SCN8A: variants seen among roughly 807,000 people sequenced by gnomAD.
The protein encoded by SCN8A is sodium voltage-gated channel alpha subunit 8.
In SCN8A, 30 loss-of-function variants were observed where a neutral mutation model predicts 184.1. The observed-to-expected ratio is 0.16, with a 90% CI of 0.12 to 0.22. The LOEUF (loss-of-function observed/expected upper bound fraction) is 0.22, where lower values mean the gene tolerates loss of function less well. Ranked by LOEUF, SCN8A falls within the 10% of genes least tolerant of loss-of-function variation. SCN8A has a pLI of 1.00. For missense variants in SCN8A, 1,057 were observed against 2,498.9 expected, an observed-to-expected ratio of 0.42 and a Z score of 12.30; for synonymous variants, 852 against 907.0, an observed-to-expected ratio of 0.94 and a Z score of 1.09.
In SCN8A at chr12:51,709,041, G is replaced by A. The variant is rs187404159; in HGVS notation, c.1635+2326G>A. ...GAAAAGCACAGATCTATCCCAACATGGAGATTCAGTAAAGATTTTCTGGGA... is the reference window on the plus strand; with the variant it reads ...GAAAAGCACAGATCTATCCCAACATAGAGATTCAGTAAAGATTTTCTGGGA... On this transcript the variant is annotated intron_variant, in intron 11 of 26. Coordinates refer to ENST00000627620, the MANE Select transcript of SCN8A (RefSeq NM_001330260.2). Among the ~76,000 whole-genome samples, 228 of 152,234 alleles carry A rather than the reference G, an allele frequency of 1.5e-3. 1 individual carries two copies. The highest frequency in any genetic ancestry group is 5.5e-3 in the African/African-American group (227 of 41,528).
intron 12 of SCN8A, among the ~76,000 whole-genome samples, chr12:51,724,703 T>C (rs187902113): frequency 7.2e-5 from 11 of 152,342 alleles, no homozygotes; most frequent in African/African-American, 1.9e-4. Flanking sequence ...TAGAACCAAA[T>C]TGAATTTTGA....
chr12:51,755,628 T>C (rs500015), intron 14 of SCN8A, among the ~76,000 whole-genome samples: 3 of 149,984 alleles, frequency 2.0e-5, no homozygotes, highest in African/African-American at 7.5e-5. Context: ...AATAGAAAAC[T>C]AAAAAAAAAG....
At chr12:51,769,414 C>A in intron 17 of SCN8A, 79 bp downstream of exon 17, 1 of 1,003,800 alleles carries the variant, frequency 1.0e-6, no homozygotes, top group Non-Finnish European at 1.5e-6. Flanking sequence ...ATTGGTTCAG[C>A]TATGGGCTTG....
intron 6 of SCN8A, among the ~76,000 whole-genome samples, chr12:51,692,872 G>C (rs1292565136): frequency 2.6e-5 from 4 of 152,228 alleles, no homozygotes; most frequent in African/African-American, 9.6e-5. Context: ...CTGGTTGAGA[G>C]AAACTCACTT....
chr12:51,739,202 A>G (rs1456585349), intron 12 of SCN8A, among the ~76,000 whole-genome samples: 1 of 152,144 alleles, frequency 6.6e-6, no homozygotes, highest in African/African-American at 2.4e-5. Context: ...TTAAAAGGAA[A>G]AGGCTCAAAT....
chr12:51,725,797 T>C (rs1565901345), intron 12 of SCN8A, among the ~76,000 whole-genome samples: 2 of 152,246 alleles, frequency 1.3e-5, no homozygotes, highest in Admixed American at 1.3e-4. Flanking sequence ...ATCTCTTAAA[T>C]TAACTAGAAG....
chr12:51,662,849 C>A lies in SCN8A; in HGVS notation c.32C>A (p.Pro11His). Reference sequence around the variant, plus strand: ...GCGCGGCTGCTTGCACCACCAGGCCCTGATAGTTTCAAGCCTTTCACCCCT... The same window carrying A: ...GCGCGGCTGCTTGCACCACCAGGCCATGATAGTTTCAAGCCTTTCACCCCT... MAARLLAPPG[P>H]DSFKPFTPES... Residue 11 changes from proline to histidine, a missense_variant, in exon 2 of 27, where the codon CCT becomes CAT. By Grantham distance (77) the Pro-to-His change is moderately conservative (BLOSUM62 -2). Transcript: ENST00000627620. 1 of 1,614,012 alleles carries A rather than the reference C, an allele frequency of 6.2e-7. No homozygotes were observed. The highest frequency in any genetic ancestry group is 8.5e-7 in the Non-Finnish European group (1 of 1,179,900).
At chr12:51,628,866 G>A (rs1291510692) in intron 1 of SCN8A, among the ~76,000 whole-genome samples, 4 of 152,064 alleles carry the variant, frequency 2.6e-5, no homozygotes, top group Admixed American at 6.6e-5. Context: ...ATATTTTTAC[G>A]GATGAGCTGG....
intron 6 of SCN8A, among the ~76,000 whole-genome samples, chr12:51,697,522 G>GAA (rs1258139499): frequency 1.3e-5 from 2 of 152,156 alleles, no homozygotes; most frequent in Non-Finnish European, 2.9e-5. Context: ...TACAGCAAAA[G>GAA]AAGAATCATG....
At chr12:51,793,863 G>C (rs1312741068) in intron 25 of SCN8A, among the ~76,000 whole-genome samples, 1 of 148,434 alleles carries the variant, frequency 6.7e-6, no homozygotes, top group Non-Finnish European at 1.5e-5. Flanking sequence ...CAGAAAGAAA[G>C]GCCAGGCATG....
At chr12:51,669,313 A>C (rs531189088) in intron 2 of SCN8A, among the ~76,000 whole-genome samples, 1 of 152,328 alleles carries the variant, frequency 6.6e-6, no homozygotes, top group East Asian at 1.9e-4. Context: ...TCATGTTTGT[A>C]CTTGGCCAAA....
intron 6 of SCN8A, among the ~76,000 whole-genome samples, chr12:51,691,362 G>A (rs1379049280): frequency 6.6e-6 from 1 of 152,012 alleles, no homozygotes; most frequent in South Asian, 2.1e-4. Flanking sequence ...TGGCATTTCT[G>A]CAAGATAACT....
At chr12:51,716,962 C>G (rs528841204) in intron 11 of SCN8A, among the ~76,000 whole-genome samples, 4 of 152,342 alleles carry the variant, frequency 2.6e-5, no homozygotes, top group Admixed American at 6.5e-5. Context: ...GTTACCACCT[C>G]TGTAGGCCAG....
intron 12 of SCN8A, among the ~76,000 whole-genome samples, chr12:51,740,826 C>A (rs1330528658): frequency 6.6e-6 from 1 of 152,158 alleles, no homozygotes; most frequent in Non-Finnish European, 1.5e-5. Context: ...GCTCTGTTAT[C>A]CAGGTTGGAG....
At chr12:51,662,440 T>G (rs570312320) in intron 1 of SCN8A, among the ~76,000 whole-genome samples, 1 of 152,312 alleles carries the variant, frequency 6.6e-6, no homozygotes, top group East Asian at 1.9e-4. Flanking sequence ...TGGGTAATGT[T>G]ACATAGTCCT....
chr12:51,616,293 T>A (rs566775031), intron 1 of SCN8A, among the ~76,000 whole-genome samples: 43 of 152,318 alleles, frequency 2.8e-4, no homozygotes, highest in South Asian at 6.2e-4. Context: ...TATACAATTC[T>A]GGGTTGACAT....
At chr12:51,722,230 G>A (rs1286654067) in intron 12 of SCN8A, 1 of 457,242 alleles carries the variant, frequency 2.2e-6, no homozygotes, top group South Asian at 2.9e-5. Flanking sequence ...TTATTTTACC[G>A]TTTTCTTTCT....
intron 1 of SCN8A, among the ~76,000 whole-genome samples, chr12:51,599,490 G>T (rs1400305959): frequency 6.6e-6 from 1 of 152,214 alleles, no homozygotes; most frequent in African/African-American, 2.4e-5. Context: ...TGTTTTGGGG[G>T]AGCAGTGAGA....
chr12:51,719,908 C>G (rs1266056267), intron 11 of SCN8A, among the ~76,000 whole-genome samples: 1 of 151,808 alleles, frequency 6.6e-6, no homozygotes, highest in Non-Finnish European at 1.5e-5. Flanking sequence ...AACCCCGTCT[C>G]TACTAAAAAT....
Sources: gnomAD v4.1 joint callset for allele counts (sites outside exome capture counted in the v4.1 genomes callset) on GRCh38, gnomAD v4.1.1 for gene constraint, MANE v1.5 for transcripts, NCBI Gene and HGNC (gene_info 2026-07-23, HGNC 2026-07-21) for gene names.